The following GRHL3 variants were observed in gnomAD, a reference collection of about 807,000 sequenced individuals.
GRHL3 encodes the protein grainyhead-like protein 3 homolog.
A neutral mutation model predicts 70.3 loss-of-function variants in GRHL3; 20 were observed. The ratio of observed to expected loss-of-function variants is 0.28; its 90% confidence interval spans 0.20 to 0.41. The LOEUF (loss-of-function observed/expected upper bound fraction) is 0.41. GRHL3 is among the 10% of genes least tolerant of loss of function. GRHL3 has a pLI of 1.00. For missense variants in GRHL3, 637 were observed against 762.3 expected, an observed-to-expected ratio of 0.84 and a Z score of 1.94; for synonymous variants, 299 against 299.9, an observed-to-expected ratio of 1.00 and a Z score of 0.03.
At chr1:24,320,680 C>T (rs996173037) in intron 1 of GRHL3, among the ~76,000 whole-genome samples, 26 of 152,232 alleles carry the variant, frequency 1.7e-4, no homozygotes, top group African/African-American at 5.3e-4. Context: ...ATTCTATGTT[C>T]TAGCTAGCCC....
In GRHL3 at chr1:24,344,994, CTCCACACCT is replaced by C. The variant is rs1418784837; in HGVS notation, c.1454+64_1454+72del. ...TGTGCACCCTCCACACCTGTGCCCC[CTCCACACCT>C]GTGCCTCCGCCACACCTGTGCCCCC... On this transcript the variant is annotated intron_variant, in intron 12 of 15. Transcript: ENST00000361548. 4 of 1,526,830 alleles carry C rather than the reference CTCCACACCT, an allele frequency of 2.6e-6. No individual in the cohort carries two copies. The African/African-American group carries it at 5.7e-5, about 22-fold the overall frequency. The allele number at this position is 1,526,830 out of a possible 1,614,324, so 94.6% of individuals were successfully genotyped here. A position where few individuals can be genotyped will look rare whatever the true frequency, so the allele number is the denominator to read the frequency against.
At chr1:24,338,214 T>G (rs1328160412) in intron 7 of GRHL3, 111 bp downstream of exon 7, 4 of 677,748 alleles carry the variant, frequency 5.9e-6, no homozygotes, top group Non-Finnish European at 9.8e-6. Flanking sequence ...CTGACCTCTG[T>G]CTCCAGGTCA....
At chr1:24,336,457 C>G (rs12066185) in intron 3 of GRHL3, 25 bp from the exon 4 acceptor site, 3 of 1,492,548 alleles carry the variant, frequency 2.0e-6, no homozygotes, top group Admixed American at 3.9e-5. Context: ...GAGAAGTACA[C>G]TCAGCCCCTT....
chr1:24,333,962 T>C (rs990943063), intron 2 of GRHL3, among the ~76,000 whole-genome samples: 1 of 152,210 alleles, frequency 6.6e-6, no homozygotes, highest in Non-Finnish European at 1.5e-5. Flanking sequence ...ACTTGACATA[T>C]GAAGAAACTG....
chr1:24,337,252 A>G, intron 5 of GRHL3, 101 bp downstream of exon 5: 1 of 775,986 alleles, frequency 1.3e-6, no homozygotes, highest in South Asian at 1.7e-5. Context: ...ACAATCAATT[A>G]ATGAGAAGTG....
At chr1:24,364,222 C>A in exon 16 of GRHL3, 1 of 1,544,364 alleles carries the variant, frequency 6.5e-7, no homozygotes, top group Non-Finnish European at 8.7e-7. Context: ...GTCTCGCCAC[C>A]CCCCACCTGA....
At chr1:24,330,309 T>C (rs554683112) in intron 1 of GRHL3, among the ~76,000 whole-genome samples, 1 of 152,342 alleles carries the variant, frequency 6.6e-6, no homozygotes, top group South Asian at 2.1e-4. Flanking sequence ...GCGATCTATG[T>C]TTTAACAAGC....
At position 24,330,523 on chromosome 1, in the gene GRHL3, T is replaced by C. The variant is rs142773994; in HGVS notation, c.18-903T>C. Among the ~76,000 whole-genome samples, 124 of 152,374 alleles carry C rather than the reference T, an allele frequency of 8.1e-4. 1 individual carries two copies. In the Middle Eastern group the frequency reaches 0.01, roughly 13 times the overall value. On this transcript the variant is annotated intron_variant, in intron 1 of 15. Transcript: ENST00000361548. ...TGCAGGGTTGTTTCAAGTAACATGG[T>C]AATTTATGAAATGTGCTTAGCTAGT...
chr1:24,342,222 T>G lies in GRHL3; in HGVS notation c.1155T>G (p.Thr385=), dbSNP rs747913354. Residue 385 remains threonine, a synonymous_variant, in exon 9 of 16, where the codon ACT becomes ACG. Coordinates refer to ENST00000361548, the MANE Select transcript of GRHL3 (RefSeq NM_198173.3). This position sits in a 1 kb window ranked among gnomAD's most constrained non-coding sequence, Gnocchi z 4.8. ...QIDTYDCGLG[T]ERLVHRAVCQ... Reference sequence around the variant, plus strand: ...ACACCTATGACTGTGGCTTGGGCACTGAGCGCCTGGTACACCGTGCTGTCT... The same window carrying G: ...ACACCTATGACTGTGGCTTGGGCACGGAGCGCCTGGTACACCGTGCTGTCT... The G allele has an allele frequency of 6.2e-7, 1 of 1,613,414 alleles. No homozygotes were observed. Among genetic ancestry groups the G allele is most frequent in the Non-Finnish European group, 8.5e-7 (1 of 1,179,620 alleles).
At chr1:24,355,898 CTT>C (rs59310312), downstream of GRHL3, among the ~76,000 whole-genome samples, 29,782 of 144,630 alleles carry the variant, frequency 0.21, 3,399 homozygotes, top group African/African-American at 0.33. Flanking sequence ...TTTCATTTAT[CTT>C]TTTTTTTTTT....
chr1:24,336,693 G>T lies in GRHL3; in HGVS notation c.478G>T (p.Val160Leu). The T allele has an allele frequency of 6.2e-7, 1 of 1,614,140 alleles. No homozygotes were observed. Among genetic ancestry groups the T allele is most frequent in the Non-Finnish European group, 8.5e-7 (1 of 1,180,022 alleles). The change falls in exon 4 of 16, where the codon GTG becomes TTG. Residue 160 changes from valine to leucine, a missense_variant. Around this residue, in one of 2 missense-constraint regions of GRHL3, gnomAD observed 250 missense variants for 248.6 expected, o/e 1.01. Coordinates refer to ENST00000361548, the MANE Select transcript of GRHL3 (RefSeq NM_198173.3). ...AGPSKLEAGS[V>L]DSYLLPTTDM... Reference sequence around the variant, plus strand: ...CCCCAGCAAGCTGGAGGCCGGCTCTGTGGACAGCTACCTGTTACCCACCAC... The same window carrying T: ...CCCCAGCAAGCTGGAGGCCGGCTCTTTGGACAGCTACCTGTTACCCACCAC...
chr1:24,343,181 C>A, intron 11 of GRHL3, 156 bp downstream of exon 11: 1 of 715,350 alleles, frequency 1.4e-6, no homozygotes, highest in Admixed American at 2.7e-5. Flanking sequence ...TATATATGGT[C>A]CTATAGCTTC....
chr1:24,336,865 G>A, intron 4 of GRHL3, 38 bp downstream of exon 4: 1 of 1,463,972 alleles, frequency 6.8e-7, no homozygotes, highest in African/African-American at 1.4e-5. Context: ...GCATAGATAT[G>A]TGTGTGCATA....
intron 14 of GRHL3, among the ~76,000 whole-genome samples, chr1:24,347,864 G>T (rs1267088030): frequency 6.6e-6 from 1 of 152,148 alleles, no homozygotes; most frequent in African/African-American, 2.4e-5. Context: ...GTTTTAATGG[G>T]AATGGAACCC....
intron 5 of GRHL3, chr1:24,337,394 T>C: frequency 1.7e-6 from 1 of 593,092 alleles, no homozygotes; most frequent in Middle Eastern, 4.5e-4. Context: ...TCCCTGGTTT[T>C]GTCACCCCTC....
At chr1:24,319,609 G>A (rs377283957) in intron 1 of GRHL3, 41 bp downstream of exon 1, 2 of 1,613,600 alleles carry the variant, frequency 1.2e-6, no homozygotes, top group African/African-American at 1.3e-5. Context: ...CTCAGAGCGT[G>A]GAGGCTGGAT....
At chr1:24,323,399 T>A (rs562402825) in intron 1 of GRHL3, among the ~76,000 whole-genome samples, 2 of 152,280 alleles carry the variant, frequency 1.3e-5, no homozygotes, top group East Asian at 1.9e-4. Flanking sequence ...CGTGTCCAAG[T>A]TGTAAAACTG....
intron 11 of GRHL3, chr1:24,343,399 T>C (rs1209180475): frequency 9.0e-6 from 2 of 221,794 alleles, no homozygotes; most frequent in East Asian, 2.0e-4. Context: ...TCACCGTCCT[T>C]ACCCTTCTCT....
chr1:24,346,357 A>C (rs948074721), intron 12 of GRHL3, among the ~76,000 whole-genome samples, 196 bp from the exon 13 acceptor site: 3 of 152,164 alleles, frequency 2.0e-5, no homozygotes, highest in Non-Finnish European at 4.4e-5. Context: ...TCACACACCT[A>C]GTGCGTGGCA....
Sources: allele counts gnomAD v4.1 joint callset (sites outside exome capture counted in the v4.1 genomes callset), GRCh38; gene constraint gnomAD v4.1.1; regional missense constraint gnomAD v4.1.1; non-coding constraint Gnocchi (gnomAD v3.1); transcripts MANE v1.5; gene names NCBI Gene and HGNC (gene_info 2026-07-23, HGNC 2026-07-21).